Variants in CD99L2 observed in about 807,000 individuals in gnomAD.
The protein encoded by CD99L2 is CD99 antigen-like protein 2.
CD99L2 carries 24 observed loss-of-function variants against 27.3 expected under a neutral mutation model. That is an observed-to-expected ratio of 0.88 (90% CI 0.64 to 1.24). The LOEUF (loss-of-function observed/expected upper bound fraction) is 1.24, where lower values mean the gene tolerates loss of function less well. CD99L2 is among the 50% of genes most tolerant of loss of function. The probability of loss-of-function intolerance (pLI) is 0.00; values close to 1 mark genes in which losing one functional copy is unlikely to be tolerated. For synonymous variants in CD99L2, 97 were observed against 87.9 expected (o/e 1.10, Z -0.58); for missense variants, 255 against 221.6 (o/e 1.15, Z -0.96).
At chrX:150,826,578 G>A (rs1002037868) in intron 2 of CD99L2, among the ~76,000 whole-genome samples, 10 of 111,948 alleles carry the variant, frequency 8.9e-5, no homozygotes, top group African/African-American at 2.9e-4. Flanking sequence ...GGTTGCTTGG[G>A]GGTGAGGGGT....
chrX:150,829,176 G>GTA (rs782281181), intron 2 of CD99L2: 119 of 134,854 alleles, frequency 8.8e-4, no homozygotes, highest in Non-Finnish European at 1.4e-3. Flanking sequence ...AGGGATGTGT[G>GTA]TATATATATA....
chrX:150,770,474 C>G, intron 9 of CD99L2, 105 bp from the exon 10 acceptor site: 2 of 711,215 alleles, frequency 2.8e-6, no homozygotes, highest in Non-Finnish European at 4.3e-6. Context: ...AAAAGCAGCA[C>G]AGCTCCCCTG....
chrX:150,820,631 T>C (rs906965703), intron 2 of CD99L2, among the ~76,000 whole-genome samples: 2 of 111,831 alleles, frequency 1.8e-5, no homozygotes, highest in Non-Finnish European at 3.8e-5. Flanking sequence ...TGTCCACTCT[T>C]ACCACTCTTA....
chrX:150,836,099 T>C (rs73250578), intron 1 of CD99L2, among the ~76,000 whole-genome samples: 2,605 of 111,823 alleles, frequency 0.023, 34 homozygotes, highest in Middle Eastern at 0.047. Context: ...CTACTGAACT[T>C]GATAGCTACT....
chrX:150,820,698 C>T (rs1214323827), intron 2 of CD99L2, among the ~76,000 whole-genome samples: 1 of 111,367 alleles, frequency 9.0e-6, no homozygotes, highest in African/African-American at 3.3e-5. Flanking sequence ...AAGAAAGAAA[C>T]TCTTTGAGAT....
intron 4 of CD99L2, 117 bp from the exon 5 acceptor site, chrX:150,795,603 AT>A: frequency 8.9e-6 from 6 of 672,919 alleles, no homozygotes; most frequent in Non-Finnish European, 1.4e-5. Context: ...TGAGGCTCCT[AT>A]AGGACCTCTG....
At chrX:150,883,359 G>C (rs1450649898) in intron 1 of CD99L2, among the ~76,000 whole-genome samples, 2 of 111,493 alleles carry the variant, frequency 1.8e-5, no homozygotes, top group Admixed American at 1.9e-4. Context: ...TTCCAAGGCA[G>C]GCAAAGGGGG....
intron 4 of CD99L2, among the ~76,000 whole-genome samples, chrX:150,797,783 G>A (rs191558950): frequency 0.012 from 1,279 of 110,875 alleles, 5 homozygotes; most frequent in Non-Finnish European, 0.018. Flanking sequence ...AGTGGCTCAC[G>A]CCTGTTATCT....
chrX:150,888,653 G>A (rs1441014977), intron 1 of CD99L2, among the ~76,000 whole-genome samples: 2 of 112,408 alleles, frequency 1.8e-5, no homozygotes, highest in African/African-American at 6.5e-5. Context: ...AAGCCCATCT[G>A]TTTTCTACCT....
chrX:150,864,178 G>A (rs782102254), intron 1 of CD99L2, among the ~76,000 whole-genome samples: 2 of 112,052 alleles, frequency 1.8e-5, no homozygotes, highest in South Asian at 7.5e-4. Context: ...CTTCCTGGAA[G>A]CTAGGAGCTT....
intron 1 of CD99L2, among the ~76,000 whole-genome samples, chrX:150,843,486 T>A (rs186867928): frequency 7.3e-5 from 8 of 109,416 alleles, no homozygotes; most frequent in Non-Finnish European, 3.8e-5. Flanking sequence ...CCGTCTCTAC[T>A]AAAAATACAA....
At chrX:150,851,774 T>C (rs565896119) in intron 1 of CD99L2, among the ~76,000 whole-genome samples, 14 of 111,718 alleles carry the variant, frequency 1.3e-4, no homozygotes, top group African/African-American at 4.6e-4. Flanking sequence ...ATTTTCAAAG[T>C]ATATCACTCC....
intron 7 of CD99L2, among the ~76,000 whole-genome samples, chrX:150,784,512 C>A (rs1244747754): frequency 8.9e-6 from 1 of 111,827 alleles, no homozygotes; most frequent in African/African-American, 3.2e-5. Flanking sequence ...GCTTATAGAG[C>A]AGACACAGGG....
Position 150,871,973 on chromosome X carries a change from G to A in CD99L2, c.67+26549C>T, listed in dbSNP as rs145262927. Among the ~76,000 whole-genome samples the A allele has an allele frequency of 3.1e-3, 342 of 112,097 alleles. 2 individuals are homozygous for A. Among genetic ancestry groups the A allele is most frequent in the African/African-American group, 0.01 (318 of 30,924 alleles). On this transcript the variant is annotated intron_variant, in intron 1 of 10. Coordinates refer to ENST00000370377, the MANE Select transcript of CD99L2 (RefSeq NM_031462.4). ...TCAGGCTGGGCACAACGGCTCACCT[G>A]TCATCCCAGCACTTCAGGAGGCTGA...
intron 4 of CD99L2, among the ~76,000 whole-genome samples, chrX:150,805,481 C>G (rs782819641): frequency 9.1e-6 from 1 of 110,453 alleles, no homozygotes; most frequent in Admixed American, 9.7e-5. Flanking sequence ...ATGTTCTCAC[C>G]ACAAAAATAT....
chrX:150,824,378 A>C (rs2046310849), intron 2 of CD99L2, among the ~76,000 whole-genome samples: 1 of 86,669 alleles, frequency 1.2e-5, no homozygotes. Context: ...GAAGAAGAAG[A>C]AGAAAGAAGA....
intron 1 of CD99L2, among the ~76,000 whole-genome samples, chrX:150,852,393 A>C (rs957050199): frequency 1.8e-5 from 2 of 109,700 alleles, no homozygotes; most frequent in South Asian, 8.0e-4. Flanking sequence ...ATCCCACCTC[A>C]GGGCCCTCAG....
At chrX:150,824,956 C>G (rs1208751995) in intron 2 of CD99L2, among the ~76,000 whole-genome samples, 3 of 111,952 alleles carry the variant, frequency 2.7e-5, no homozygotes, top group Non-Finnish European at 5.6e-5. Context: ...ACTGTGAAGA[C>G]CACACACCCC....
chrX:150,856,569 AAATAAT>A (rs10564205), intron 1 of CD99L2, among the ~76,000 whole-genome samples: 2,697 of 98,584 alleles, frequency 0.027, 100 homozygotes, highest in African/African-American at 0.093. Flanking sequence ...AGCCAGGCTA[AAATAAT>A]AATAATAATA....
Sources: allele counts gnomAD v4.1 joint callset (sites outside exome capture counted in the v4.1 genomes callset), GRCh38; gene constraint gnomAD v4.1.1; transcripts MANE v1.5; gene names NCBI Gene and HGNC (gene_info 2026-07-23, HGNC 2026-07-21).